Variants in SPATA7 observed in about 807,000 individuals in gnomAD.
SPATA7 encodes the protein spermatogenesis associated 7.
A neutral mutation model predicts 51.8 loss-of-function variants in SPATA7; 43 were observed. The observed-to-expected ratio is 0.83, with a 90% CI of 0.65 to 1.07. The LOEUF is 1.07. SPATA7 is among the 50% of genes least tolerant of loss of function. SPATA7 has a pLI of 0.00. For synonymous variants in SPATA7, 230 were observed against 252.8 expected (o/e 0.91, Z 0.86); for missense variants, 683 against 701.3 (o/e 0.97, Z 0.30).
chr14:88,459,168 C>T (rs1185004463), downstream of SPATA7, among the ~76,000 whole-genome samples: 1 of 152,062 alleles, frequency 6.6e-6, no homozygotes, highest in Admixed American at 6.6e-5. Context: ...GGAATAAGGG[C>T]AATGTGGTGC....
At chr14:88,466,623 C>T in intron 4 of SPATA7, 1 of 152,200 alleles carries the variant, frequency 6.6e-6, no homozygotes, top group South Asian at 2.1e-4. Context: ...TCATCCATGC[C>T]TACTCAGCGG....
At chr14:88,409,486 CTTTA>C (rs2076283277) in intron 4 of SPATA7, among the ~76,000 whole-genome samples, 1 of 151,816 alleles carries the variant, frequency 6.6e-6, no homozygotes, top group Non-Finnish European at 1.5e-5. Context: ...CTATTTTCTT[CTTTA>C]TTAGTCTGGC....
At chr14:88,452,557 CCTT>C (rs1014551588) in intron 3 of SPATA7, among the ~76,000 whole-genome samples, 24 of 152,228 alleles carry the variant, frequency 1.6e-4, no homozygotes, top group African/African-American at 5.3e-4. Context: ...CAATCCATCT[CCTT>C]CTGTCTGCTC....
At chr14:88,461,188 C>T (rs1485512369) in intron 4 of SPATA7, among the ~76,000 whole-genome samples, 1 of 152,240 alleles carries the variant, frequency 6.6e-6, no homozygotes, top group Non-Finnish European at 1.5e-5. Context: ...TCTGTCCGTT[C>T]TCAGATCTCA....
At chr14:88,408,339 T>G (rs1026639312) in intron 4 of SPATA7, among the ~76,000 whole-genome samples, 7 of 152,220 alleles carry the variant, frequency 4.6e-5, no homozygotes, top group Non-Finnish European at 8.8e-5. Context: ...CCTTTTAAGT[T>G]CTATTCTTAG....
At chr14:88,456,851 GT>G (rs1174316763), downstream of SPATA7, among the ~76,000 whole-genome samples, 1 of 152,176 alleles carries the variant, frequency 6.6e-6, no homozygotes, top group Non-Finnish European at 1.5e-5. Context: ...GGTTTTTACG[GT>G]TTTAGGTCTA....
chr14:88,393,982 C>A (rs573954083), intron 3 of SPATA7, among the ~76,000 whole-genome samples: 2 of 152,194 alleles, frequency 1.3e-5, no homozygotes, highest in African/African-American at 2.4e-5. Flanking sequence ...GCTAACTACA[C>A]CGTTCAGGCC....
rs1029814506 is a variant in SPATA7 at position 88,437,576 on chromosome 14, A to G, written c.1194A>G (p.Lys398=). 4.3e-6 allele frequency: 7 copies of G among 1,610,728 alleles called. No individual in the cohort carries two copies. Among genetic ancestry groups the G allele is most frequent in the African/African-American group, 1.3e-5 (1 of 75,024 alleles). ...AACGACTGTTCGAGCGACATATAAA[A>G]CAAAATAAACATTTGGAGGAGGTTT... The part of the protein sequence containing the change: ...FLERLFERHI[K]QNKHLEEEKM... Residue 398 remains lysine (K), a synonymous_variant, in exon 11 of 12, where the codon AAA becomes AAG. Transcript: ENST00000393545.
intron 4 of SPATA7, among the ~76,000 whole-genome samples, chr14:88,411,333 G>A (rs755206450): frequency 5.9e-5 from 9 of 152,194 alleles, no homozygotes; most frequent in Non-Finnish European, 8.8e-5. Flanking sequence ...TGCTGAGCTA[G>A]ACCATTCGCC....
At chr14:88,417,878 T>C (rs2076529408) in intron 5 of SPATA7, among the ~76,000 whole-genome samples, 1 of 152,220 alleles carries the variant, frequency 6.6e-6, no homozygotes, top group Non-Finnish European at 1.5e-5. Flanking sequence ...CTAGCTTGTG[T>C]ACATTTGGTT....
chr14:88,446,214 G>A (rs2077211226), intron 3 of SPATA7, among the ~76,000 whole-genome samples: 1 of 152,128 alleles, frequency 6.6e-6, no homozygotes, highest in African/African-American at 2.4e-5. Context: ...AGTCTTGGGA[G>A]GGTGTATGTG....
At chr14:88,436,657 C>T (rs532645910) in intron 10 of SPATA7, among the ~76,000 whole-genome samples, 2 of 152,178 alleles carry the variant, frequency 1.3e-5, no homozygotes, top group African/African-American at 4.8e-5. Flanking sequence ...TCCAGTTTTC[C>T]CATTACCATT....
intron 2 of SPATA7, among the ~76,000 whole-genome samples, chr14:88,392,238 A>G (rs180889524): frequency 2.0e-4 from 30 of 152,354 alleles, no homozygotes; most frequent in African/African-American, 7.2e-4. Flanking sequence ...GATTTAAAAT[A>G]TACATACATA....
intron 4 of SPATA7, among the ~76,000 whole-genome samples, chr14:88,409,799 T>C (rs2076291639): frequency 6.6e-6 from 1 of 152,228 alleles, no homozygotes; most frequent in African/African-American, 2.4e-5. Flanking sequence ...GTCTTTGTTC[T>C]CATTGGTTTC....
At chr14:88,432,107 A>G (rs2076959039) in intron 9 of SPATA7, among the ~76,000 whole-genome samples, 1 of 152,122 alleles carries the variant, frequency 6.6e-6, no homozygotes, top group African/African-American at 2.4e-5. Context: ...AATAAAGAAG[A>G]GTTTTAGAGA....
intron 6 of SPATA7, 59 bp downstream of exon 6, chr14:88,426,763 A>G: frequency 6.9e-7 from 1 of 1,440,502 alleles, no homozygotes; most frequent in East Asian, 2.4e-5. Context: ...AAATTAATGA[A>G]TTAATATTCC....
chr14:88,390,721 A>G (rs1010111897), intron 1 of SPATA7, among the ~76,000 whole-genome samples: 2 of 152,212 alleles, frequency 1.3e-5, no homozygotes, highest in Non-Finnish European at 2.9e-5. Flanking sequence ...TGAATTCTGG[A>G]CAAGAAAAAA....
At chr14:88,462,691 G>A (rs966807511) in intron 4 of SPATA7, among the ~76,000 whole-genome samples, 9 of 152,188 alleles carry the variant, frequency 5.9e-5, no homozygotes, top group Non-Finnish European at 1.0e-4. Context: ...TCGATTCAGA[G>A]CCAAGGGATT....
chr14:88,417,322 A>G (rs1024737785), intron 5 of SPATA7, among the ~76,000 whole-genome samples: 1 of 138,984 alleles, frequency 7.2e-6, no homozygotes, highest in Non-Finnish European at 1.5e-5. Context: ...TTTTTTATAT[A>G]TATATATATA....
Sources: allele counts gnomAD v4.1 joint callset (sites outside exome capture counted in the v4.1 genomes callset), GRCh38; gene constraint gnomAD v4.1.1; transcripts MANE v1.5; gene names NCBI Gene and HGNC (gene_info 2026-07-23, HGNC 2026-07-21).